Variants in AIG1 observed in about 807,000 individuals in gnomAD.
AIG1 encodes androgen-induced gene 1 protein.
A neutral mutation model predicts 31.4 loss-of-function variants in AIG1; 23 were observed. The observed-to-expected ratio is 0.73, with a 90% CI of 0.53 to 1.04. The LOEUF is 1.04. Ranked by LOEUF, AIG1 falls within the 50% of genes least tolerant of loss-of-function variation. The probability of loss-of-function intolerance (pLI) is 0.00; values close to 1 mark genes in which losing one functional copy is unlikely to be tolerated. For synonymous variants in AIG1, 100 were observed against 110.5 expected (o/e 0.90, Z 0.60); for missense variants, 274 against 295.0 (o/e 0.93, Z 0.52).
rs1776897087 is a variant in AIG1, at chr6:143,329,508, A to G, written c.516-3774A>G. ...TCTGACATAGTCTCATTTATACCCT[A>G]TAAGCTCTGATTCATACAATAGTAC... On this transcript the variant is annotated intron_variant, in intron 4 of 5. Transcript: ENST00000357847. The surrounding 1 kb of genome is among the most constrained non-coding windows in gnomAD (Gnocchi z 4.9). Among the ~76,000 whole-genome samples, 1 of 152,210 alleles carries G rather than the reference A, an allele frequency of 6.6e-6. No homozygotes were observed. Among genetic ancestry groups the G allele is most frequent in the South Asian group, 2.1e-4 (1 of 4,824 alleles).
intron 3 of AIG1, chr6:143,188,444 T>A: frequency 1.0e-6 from 1 of 985,376 alleles, no homozygotes; most frequent in Non-Finnish European, 1.2e-6. Flanking sequence ...GCTTTAACCT[T>A]ATTTGGAAGT....
intron 3 of AIG1, among the ~76,000 whole-genome samples, chr6:143,276,415 T>G (rs1796913069): frequency 6.6e-6 from 1 of 152,212 alleles, no homozygotes; most frequent in East Asian, 1.9e-4. Context: ...CTTGGGTCAC[T>G]GTTTCTAACC....
At chr6:143,313,476 T>C (rs1775476449) in intron 4 of AIG1, among the ~76,000 whole-genome samples, 1 of 152,158 alleles carries the variant, frequency 6.6e-6, no homozygotes, top group Non-Finnish European at 1.5e-5. Context: ...TCACATGTTC[T>C]CACTTATTTG....
intron 4 of AIG1, among the ~76,000 whole-genome samples, chr6:143,319,884 A>G (rs10080658): frequency 0.057 from 8,648 of 152,242 alleles, 643 homozygotes; most frequent in African/African-American, 0.17. Flanking sequence ...ACGGCATCAT[A>G]TTAAAAAGCT....
At chr6:143,194,741 C>A (rs946774665) in intron 3 of AIG1, among the ~76,000 whole-genome samples, 1 of 152,186 alleles carries the variant, frequency 6.6e-6, no homozygotes, top group East Asian at 1.9e-4. Flanking sequence ...GATGTCTCCA[C>A]GTCACGGCAG....
At chr6:143,307,222 A>T (rs945967716) in intron 4 of AIG1, among the ~76,000 whole-genome samples, 3 of 152,312 alleles carry the variant, frequency 2.0e-5, no homozygotes, top group African/African-American at 7.2e-5. Context: ...TTCTCCATCC[A>T]GCTTTGTTCT....
chr6:143,342,850 A>G, downstream of AIG1: 1 of 823,338 alleles, frequency 1.2e-6, no homozygotes, highest in Admixed American at 1.7e-5. Context: ...TCCAGCCTCA[A>G]AAGTCCGTTG....
downstream of AIG1, chr6:143,342,957 C>G (rs896034478): frequency 1.0e-6 from 1 of 984,472 alleles, no homozygotes; most frequent in Admixed American, 1.7e-5. Context: ...GTATAGTGAA[C>G]ATTCTGGGTC....
intron 1 of AIG1, among the ~76,000 whole-genome samples, chr6:143,112,597 T>C (rs1781381504): frequency 6.6e-6 from 1 of 152,184 alleles, no homozygotes; most frequent in African/African-American, 2.4e-5. Context: ...CCGTGCAGTT[T>C]GACAAGTACC....
intron 2 of AIG1, among the ~76,000 whole-genome samples, chr6:143,145,363 C>T (rs991547725): frequency 1.3e-5 from 2 of 152,176 alleles, no homozygotes; most frequent in South Asian, 2.1e-4. Context: ...CTATTATCCA[C>T]GTCTGTCTTC....
intron 1 of AIG1, among the ~76,000 whole-genome samples, chr6:143,079,264 G>A (rs1244838296): frequency 6.6e-6 from 1 of 152,068 alleles, no homozygotes; most frequent in African/African-American, 2.4e-5. Context: ...CAGAGATTAT[G>A]ATAGAGGACT....
At chr6:143,068,225 T>C (rs1023110350) in intron 1 of AIG1, among the ~76,000 whole-genome samples, 1 of 152,150 alleles carries the variant, frequency 6.6e-6, no homozygotes, top group Non-Finnish European at 1.5e-5. Context: ...TTCATTTGTT[T>C]CTGTGTGTTC....
At position 143,145,576 on chromosome 6, in the gene AIG1, T is replaced by C. The variant is rs568996077; in HGVS notation, c.297+8586T>C. 5.3e-4 allele frequency among the ~76,000 whole-genome samples: 80 copies of C among 152,278 alleles called. 1 individual carries two copies. Among genetic ancestry groups the C allele is most frequent in the Admixed American group, 4.4e-3 (67 of 15,296 alleles). On this transcript the variant is annotated intron_variant, in intron 2 of 5. Transcript: ENST00000357847. ...CCTGCAGATTTCACCATAGGTCTCA[T>C]TGGTCAGAACCATCACATAGCTAGA...
At chr6:143,262,432 T>TC (rs1438683791) in intron 3 of AIG1, among the ~76,000 whole-genome samples, 1 of 151,998 alleles carries the variant, frequency 6.6e-6, no homozygotes, top group African/African-American at 2.4e-5. Flanking sequence ...AAACGAGAAC[T>TC]CCCCTGTATT....
chr6:143,187,784 A>C, intron 3 of AIG1: 1 of 1,505,318 alleles, frequency 6.6e-7, no homozygotes, highest in Non-Finnish European at 8.8e-7. Flanking sequence ...TTTGGAAATG[A>C]CCTTGAAGCG....
At chr6:143,102,999 A>G (rs1462285198) in intron 1 of AIG1, among the ~76,000 whole-genome samples, 1 of 152,254 alleles carries the variant, frequency 6.6e-6, no homozygotes, top group African/African-American at 2.4e-5. Flanking sequence ...ATTAGAGTAC[A>G]ATCATTACTA....
intron 1 of AIG1, among the ~76,000 whole-genome samples, chr6:143,114,164 T>A (rs999356408): frequency 7.2e-5 from 11 of 152,204 alleles, no homozygotes; most frequent in Non-Finnish European, 8.8e-5. Context: ...TTCATGGCCC[T>A]GAATGGCTGG....
rs932685016 is a variant in AIG1 at position 143,297,136 on chromosome 6, G to C, written c.515+12911G>C. ...CGGAAGGTTCTCTAACCCAGACTTA[G>C]AGAGTTCTGAAAGGCTTCCCGGAGG... On this transcript the variant is annotated intron_variant, in intron 4 of 5. Coordinates refer to ENST00000357847, the MANE Select transcript of AIG1 (RefSeq NM_016108.4). The surrounding 1 kb of genome is among the most constrained non-coding windows in gnomAD (Gnocchi z 5.1). Among the ~76,000 whole-genome samples, 1 of 152,228 alleles carries C rather than the reference G, an allele frequency of 6.6e-6. No homozygotes were observed. Among genetic ancestry groups the C allele is most frequent in the East Asian group, 1.9e-4 (1 of 5,200 alleles).
chr6:143,295,900 G>A (rs918095301), intron 4 of AIG1, among the ~76,000 whole-genome samples: 2 of 152,064 alleles, frequency 1.3e-5, no homozygotes, highest in Non-Finnish European at 2.9e-5. Context: ...GGGCTTCCTT[G>A]TCTCCAGTAT....
Sources: allele counts gnomAD v4.1 joint callset (sites outside exome capture counted in the v4.1 genomes callset), GRCh38; gene constraint gnomAD v4.1.1; non-coding constraint Gnocchi (gnomAD v3.1); transcripts MANE v1.5; gene names NCBI Gene and HGNC (gene_info 2026-07-23, HGNC 2026-07-21).